The following RHBDD1 variants were observed in gnomAD, a reference collection of about 807,000 sequenced individuals.
The protein encoded by RHBDD1 is rhomboid-related protein 4.
In RHBDD1, 38 loss-of-function variants were observed where a neutral mutation model predicts 36.3. That is an observed-to-expected ratio of 1.05 (90% confidence interval 0.81 to 1.37). The LOEUF is 1.37. Among genes scored for constraint, RHBDD1 ranks in the 40% most tolerant of loss-of-function variants. The probability of loss-of-function intolerance (pLI) is 0.00; values close to 1 mark genes in which losing one functional copy is unlikely to be tolerated. For synonymous variants in RHBDD1, 151 were observed against 136.5 expected (o/e 1.11, Z -0.74); for missense variants, 393 against 377.6 (o/e 1.04, Z -0.34).
intron 8 of RHBDD1, among the ~76,000 whole-genome samples, chr2:226,986,913 A>G (rs1051743014): frequency 2.0e-5 from 3 of 152,240 alleles, no homozygotes; most frequent in African/African-American, 7.2e-5. Flanking sequence ...ATAATAGCAG[A>G]CTTGGGGCCA....
chr2:226,891,704 A>G (rs1298469247), intron 5 of RHBDD1, among the ~76,000 whole-genome samples: 1 of 152,200 alleles, frequency 6.6e-6, no homozygotes, highest in East Asian at 1.9e-4. Context: ...TACCCAACCA[A>G]TAGAATTCTT....
the RHBDD1 span, among the ~76,000 whole-genome samples, chr2:226,800,378 G>A: frequency 6.6e-6 from 1 of 152,174 alleles, no homozygotes; most frequent in Non-Finnish European, 1.5e-5. Flanking sequence ...CTTCCACCTT[G>A]GGATCCCCAG....
intron 3 of RHBDD1, among the ~76,000 whole-genome samples, chr2:226,851,175 G>A (rs975266933): frequency 1.3e-5 from 2 of 151,916 alleles, no homozygotes; most frequent in East Asian, 1.9e-4. Context: ...TAAGGAAGAC[G>A]CTAAACTTTT....
intron 8 of RHBDD1, among the ~76,000 whole-genome samples, chr2:226,978,234 T>C (rs2149398078): frequency 6.6e-6 from 1 of 152,366 alleles, no homozygotes; most frequent in East Asian, 1.9e-4. Context: ...ATCATCTTTT[T>C]TTTAAAATTC....
In RHBDD1 at chr2:226,995,507, A is replaced by G. The variant is rs1959173598; in HGVS notation, c.933A>G (p.Arg311=). Residue 311 remains arginine, a synonymous_variant, in exon 9 of 9, where the codon AGA becomes AGG. Coordinates refer to ENST00000392062, the MANE Select transcript of RHBDD1 (RefSeq NM_001167608.3). ...AAATGAGGAGACAGCGGCTTCACAG[A>G]TTCGATAGCCAGTGAGGTGGCATCT... ...PEEMRRQRLH[R]FDSQ 2 of 1,610,940 alleles carry G rather than the reference A, an allele frequency of 1.2e-6. No individual in the cohort carries two copies. Among genetic ancestry groups the G allele is most frequent in the Non-Finnish European group, 1.7e-6 (2 of 1,178,064 alleles).
chr2:226,832,520 A>G (rs1326524476), upstream of RHBDD1, among the ~76,000 whole-genome samples: 2 of 152,036 alleles, frequency 1.3e-5, no homozygotes, highest in Non-Finnish European at 2.9e-5. Flanking sequence ...ATACTTAGTG[A>G]TTTTCTGCCT....
At chr2:226,954,912 A>G (rs765278526) in intron 8 of RHBDD1, among the ~76,000 whole-genome samples, 82 of 151,910 alleles carry the variant, frequency 5.4e-4, no homozygotes, top group Non-Finnish European at 6.0e-4. Flanking sequence ...TCATACACGT[A>G]TGGCGGGATG....
At chr2:226,919,538 A>G (rs990282684) in intron 8 of RHBDD1, among the ~76,000 whole-genome samples, 7 of 152,062 alleles carry the variant, frequency 4.6e-5, no homozygotes, top group African/African-American at 1.7e-4. Flanking sequence ...TCTTCTGCAT[A>G]TGGATATCCA....
In RHBDD1 at chr2:226,948,476, G is replaced by A. The variant is rs1162782078; in HGVS notation, c.856+34125G>A. Among the ~76,000 whole-genome samples the A allele has an allele frequency of 5.5e-5, 8 of 145,398 alleles. 1 individual carries two copies. Among genetic ancestry groups the A allele is most frequent in the Non-Finnish European group, 1.0e-4 (7 of 66,902 alleles). Reference sequence around the variant, plus strand: ...AGACATACCTCATGCTAGATGACGAGTTAGTGGGTGCAGCGCACCAGCATG... The same window carrying A: ...AGACATACCTCATGCTAGATGACGAATTAGTGGGTGCAGCGCACCAGCATG... On this transcript the variant is annotated intron_variant, in intron 8 of 8. Coordinates refer to ENST00000392062, the MANE Select transcript of RHBDD1 (RefSeq NM_001167608.3).
intron 8 of RHBDD1, among the ~76,000 whole-genome samples, chr2:226,930,528 C>T (rs187786105): frequency 2.8e-4 from 43 of 151,872 alleles, no homozygotes; most frequent in Non-Finnish European, 1.6e-4. Context: ...GACCTGAAAC[C>T]ATAAGAATTC....
intron 5 of RHBDD1, among the ~76,000 whole-genome samples, chr2:226,874,446 G>A (rs569921263): frequency 6.6e-6 from 1 of 152,292 alleles, no homozygotes; most frequent in East Asian, 1.9e-4. Flanking sequence ...TACAGTTGGT[G>A]TTGTCAGGGT....
At chr2:226,813,218 C>T in the RHBDD1 span, among the ~76,000 whole-genome samples, 4 of 152,214 alleles carry the variant, frequency 2.6e-5, no homozygotes, top group African/African-American at 9.6e-5. Context: ...ACCACACACA[C>T]AAGAAAAACT....
chr2:226,899,590 G>A (rs1947423322), intron 5 of RHBDD1, among the ~76,000 whole-genome samples: 1 of 152,104 alleles, frequency 6.6e-6, no homozygotes, highest in Non-Finnish European at 1.5e-5. Flanking sequence ...AGTGATTGTG[G>A]TATAAAGACA....
chr2:226,970,003 A>T (rs1207213163), intron 8 of RHBDD1, among the ~76,000 whole-genome samples: 1 of 105,996 alleles, frequency 9.4e-6, no homozygotes, highest in African/African-American at 3.7e-5. Flanking sequence ...CCCCCCCTTA[A>T]TTTTTTATTT....
chr2:226,892,924 T>C (rs962599506), intron 5 of RHBDD1, among the ~76,000 whole-genome samples: 2 of 152,112 alleles, frequency 1.3e-5, no homozygotes, highest in East Asian at 3.8e-4. Flanking sequence ...GAGCAGTAAA[T>C]TGTAAAACTT....
chr2:226,903,360 CCAGGACGT>C (rs1262538229), intron 5 of RHBDD1, among the ~76,000 whole-genome samples: 4 of 152,152 alleles, frequency 2.6e-5, no homozygotes, highest in Non-Finnish European at 5.9e-5. Flanking sequence ...CCCGTCTCAC[CCAGGACGT>C]GAATCATCTC....
chr2:226,827,427 T>C, the RHBDD1 span, among the ~76,000 whole-genome samples: 1 of 152,238 alleles, frequency 6.6e-6, no homozygotes, highest in African/African-American at 2.4e-5. Flanking sequence ...GGCATACTTA[T>C]GCCTCTTATT....
the RHBDD1 span, among the ~76,000 whole-genome samples, chr2:226,821,777 C>G: frequency 6.6e-6 from 1 of 152,020 alleles, no homozygotes; most frequent in African/African-American, 2.4e-5. Flanking sequence ...TATGGTGATT[C>G]TTATTTGTAT....
intron 8 of RHBDD1, among the ~76,000 whole-genome samples, chr2:226,977,126 G>T (rs1954748163): frequency 6.6e-6 from 1 of 152,142 alleles, no homozygotes; most frequent in South Asian, 2.1e-4. Context: ...ATTTGTTTCT[G>T]TGCCTTTGTT....
Sources: gnomAD v4.1 joint callset for allele counts (sites outside exome capture counted in the v4.1 genomes callset) on GRCh38, gnomAD v4.1.1 for gene constraint, MANE v1.5 for transcripts, NCBI Gene and HGNC (gene_info 2026-07-23, HGNC 2026-07-21) for gene names.